IMMP2L: variants seen among roughly 807,000 people sequenced by gnomAD.
The protein encoded by IMMP2L is mitochondrial inner membrane protease subunit 2.
In IMMP2L, 18 loss-of-function variants were observed where a neutral mutation model predicts 19.3. The observed-to-expected ratio is 0.93, with a 90% CI of 0.64 to 1.38. The LOEUF (loss-of-function observed/expected upper bound fraction) is 1.38, where lower values mean the gene tolerates loss of function less well. IMMP2L is among the 40% of genes most tolerant of loss of function. The pLI is 0.00. For synonymous variants in IMMP2L, 76 were observed against 73.0 expected, an observed-to-expected ratio of 1.04 and a Z score of -0.21; for missense variants, 233 against 218.2, an observed-to-expected ratio of 1.07 and a Z score of -0.43.
At chr7:110,790,751 A>G (rs1385788036) in intron 5 of IMMP2L, among the ~76,000 whole-genome samples, 1 of 151,726 alleles carries the variant, frequency 6.6e-6, no homozygotes, top group Non-Finnish European at 1.5e-5. Flanking sequence ...CAAGTCCCAG[A>G]GCAATGTTCA....
chr7:111,141,970 C>T (rs1802946675), intron 3 of IMMP2L, among the ~76,000 whole-genome samples: 1 of 152,110 alleles, frequency 6.6e-6, no homozygotes. Context: ...TCCCAAAGTG[C>T]TAGGATTGCA....
chr7:111,064,484 C>T (rs1794310836), intron 3 of IMMP2L, among the ~76,000 whole-genome samples: 1 of 152,072 alleles, frequency 6.6e-6, no homozygotes, highest in Non-Finnish European at 1.5e-5. Flanking sequence ...AATCAGCATC[C>T]AAAATATGAT....
Position 110,953,415 on chromosome 7 carries a change from G to A in IMMP2L, c.305+10085C>T, listed in dbSNP as rs1047713869. On this transcript the variant is annotated intron_variant, in intron 4 of 5. Transcript: ENST00000405709. ...CACCACTTAATGAGTGAGAACATGC[G>A]GTGTTTGGTTTTCGGTTCTTGTGTT... 2.2e-4 allele frequency among the ~76,000 whole-genome samples: 34 copies of A among 151,440 alleles called. 1 individual carries two copies. Among genetic ancestry groups the A allele is most frequent in the African/African-American group, 8.2e-4 (34 of 41,316 alleles).
intron 4 of IMMP2L, among the ~76,000 whole-genome samples, chr7:110,950,047 G>A (rs1475904452): frequency 1.3e-5 from 2 of 152,136 alleles, no homozygotes; most frequent in Non-Finnish European, 2.9e-5. Flanking sequence ...AAAAACCACT[G>A]TCATGAAGCT....
At chr7:111,321,427 G>T (rs535343871) in intron 3 of IMMP2L, among the ~76,000 whole-genome samples, 1 of 151,986 alleles carries the variant, frequency 6.6e-6, no homozygotes, top group African/African-American at 2.4e-5. Flanking sequence ...AGAAGCTAGA[G>T]ACTACTCAGA....
chr7:111,333,652 A>G (rs998487077), intron 3 of IMMP2L, among the ~76,000 whole-genome samples: 1 of 152,062 alleles, frequency 6.6e-6, no homozygotes, highest in Non-Finnish European at 1.5e-5. Flanking sequence ...CCCACCCTCA[A>G]TCTTAGTGGG....
chr7:111,254,536 C>G (rs1216496987), intron 3 of IMMP2L, among the ~76,000 whole-genome samples: 1 of 152,048 alleles, frequency 6.6e-6, no homozygotes, highest in Non-Finnish European at 1.5e-5. Flanking sequence ...AAATCTGGGG[C>G]AGACTGTCAG....
At chr7:110,953,152 T>TA (rs1213177718) in intron 4 of IMMP2L, among the ~76,000 whole-genome samples, 6 of 152,106 alleles carry the variant, frequency 3.9e-5, no homozygotes, top group Non-Finnish European at 8.8e-5. Flanking sequence ...AAATCTGGTA[T>TA]AAAATCAACA....
At position 111,448,149 on chromosome 7, in the gene IMMP2L, C is replaced by T. The variant is rs1470327215; in HGVS notation, c.239+39089G>A. Among the ~76,000 whole-genome samples the T allele has an allele frequency of 2.7e-3, 362 of 132,716 alleles. 8 individuals are homozygous for T. The highest frequency in any genetic ancestry group is 4.2e-3 in the Non-Finnish European group (270 of 64,758). The allele number at this position is 132,716 out of a possible 152,430, so 87.1% of individuals were successfully genotyped here. A position where few individuals can be genotyped will look rare whatever the true frequency, so the allele number is the denominator to read the frequency against. ...CCACTGTCAACATTAGACAGATGAA[C>T]GAGACAGAAAGTCAACAAGGATACC... On this transcript the variant is annotated intron_variant, in intron 3 of 5. Transcript: ENST00000405709.
intron 5 of IMMP2L, among the ~76,000 whole-genome samples, chr7:110,684,029 T>A (rs892840741): frequency 1.3e-5 from 2 of 152,234 alleles, no homozygotes; most frequent in East Asian, 3.9e-4. Context: ...GTAAATAACA[T>A]GGAGTCTTTT....
At chr7:111,507,132 C>G (rs1764153142) in intron 2 of IMMP2L, among the ~76,000 whole-genome samples, 1 of 152,236 alleles carries the variant, frequency 6.6e-6, no homozygotes, top group African/African-American at 2.4e-5. Flanking sequence ...TGAGCCACTA[C>G]ACCCAGCCCT....
intron 3 of IMMP2L, among the ~76,000 whole-genome samples, chr7:111,367,519 G>A (rs1829888442): frequency 6.6e-6 from 1 of 151,434 alleles, no homozygotes; most frequent in African/African-American, 2.4e-5. Flanking sequence ...GTTAACAAGA[G>A]TTAATACACA....
At chr7:111,505,051 A>C (rs993223766) in intron 2 of IMMP2L, among the ~76,000 whole-genome samples, 22 of 152,082 alleles carry the variant, frequency 1.4e-4, no homozygotes, top group African/African-American at 5.1e-4. Flanking sequence ...CAAAATGGGA[A>C]AAAATTTTCG....
At chr7:110,681,333 C>T (rs558234335) in intron 5 of IMMP2L, among the ~76,000 whole-genome samples, 1 of 152,096 alleles carries the variant, frequency 6.6e-6, no homozygotes, top group African/African-American at 2.4e-5. Context: ...TTGTTAAGGG[C>T]CCTGAATCCA....
intron 3 of IMMP2L, among the ~76,000 whole-genome samples, chr7:111,013,496 C>T (rs139150993): frequency 0.011 from 1,725 of 152,002 alleles, 14 homozygotes; most frequent in Admixed American, 0.023. Flanking sequence ...GAGATGAAAA[C>T]GGAAGGAGGG....
chr7:111,186,411 G>A (rs2129612054), intron 3 of IMMP2L, among the ~76,000 whole-genome samples: 1 of 151,832 alleles, frequency 6.6e-6, no homozygotes. Context: ...TAAGCATCTA[G>A]AACCATATCT....
chr7:111,272,034 C>T (rs564961444), intron 3 of IMMP2L, among the ~76,000 whole-genome samples: 1 of 152,084 alleles, frequency 6.6e-6, no homozygotes, highest in African/African-American at 2.4e-5. Context: ...TACTTTTTCC[C>T]CACCCGATCT....
intron 5 of IMMP2L, among the ~76,000 whole-genome samples, chr7:110,751,112 CA>C (rs2130918549): frequency 6.6e-6 from 1 of 151,136 alleles, no homozygotes; most frequent in Non-Finnish European, 1.5e-5. Flanking sequence ...CTCTTGAGAA[CA>C]TAATGGGAAA....
chr7:110,775,314 T>C (rs1315902267), intron 5 of IMMP2L, among the ~76,000 whole-genome samples: 1 of 150,156 alleles, frequency 6.7e-6, no homozygotes, highest in Non-Finnish European at 1.5e-5. Context: ...ATGTGTAGCT[T>C]AAAGTGTGTA....
Sources: allele counts gnomAD v4.1 joint callset (sites outside exome capture counted in the v4.1 genomes callset), GRCh38; gene constraint gnomAD v4.1.1; transcripts MANE v1.5; gene names NCBI Gene and HGNC (gene_info 2026-07-23, HGNC 2026-07-21).